HTT: variants seen among roughly 807,000 people sequenced by gnomAD.
The protein encoded by HTT is huntington disease protein.
A neutral mutation model predicts 362.3 loss-of-function variants in HTT; 104 were observed. The observed-to-expected ratio is 0.29, with a 90% CI of 0.24 to 0.34. The LOEUF is 0.34. HTT is among the 10% of genes least tolerant of loss of function. HTT has a pLI of 1.00. For synonymous variants in HTT, 1,577 were observed against 1,548.7 expected, an observed-to-expected ratio of 1.02 and a Z score of -0.43; for missense variants, 3,301 against 3,928.6, an observed-to-expected ratio of 0.84 and a Z score of 4.27.
In HTT at chr4:3,223,989, T is replaced by A. The variant is rs775880958; in HGVS notation, c.7626-3T>A. On this transcript the variant is annotated splice_region_variant and splice_polypyrimidine_tract_variant and intron_variant, in intron 55 of 66. Transcript: ENST00000355072. ...CACTCTTTACCTTTTTTCTAAAATG[T>A]AGGTTTGGGAGGAAGCTGAGCATTA... The A allele has an allele frequency of 1.9e-6, 3 of 1,613,770 alleles. No homozygotes were observed. Among genetic ancestry groups the A allele is most frequent in the Admixed American group, 3.3e-5 (2 of 59,986 alleles).
chr4:3,228,384 G>A lies in HTT; in HGVS notation c.7849-231G>A, dbSNP rs1421198471. On this transcript the variant is annotated intron_variant, in intron 57 of 66. Coordinates refer to ENST00000355072, the MANE Select transcript of HTT (RefSeq NM_001388492.1). This position sits in a 1 kb window ranked among gnomAD's most constrained non-coding sequence, Gnocchi z 4.3. The stretch of plus-strand genomic sequence containing the variant: ...TCCTCAGCTGCTCCTGGGGTTGACT[G>A]GCCCCTGATTCATGCCTTTAGCATG... Among the ~76,000 whole-genome samples the A allele has an allele frequency of 3.3e-5, 5 of 152,162 alleles. No homozygotes were observed. The highest frequency in any genetic ancestry group is 7.4e-5 in the Non-Finnish European group (5 of 68,022).
At chr4:3,110,065 T>G (rs1245834834) in intron 6 of HTT, among the ~76,000 whole-genome samples, 1 of 152,186 alleles carries the variant, frequency 6.6e-6, no homozygotes, top group Non-Finnish European at 1.5e-5. Context: ...CACCATGTCG[T>G]GTTCAATCTT....
At chr4:3,230,804 A>T (rs969264549) in intron 60 of HTT, among the ~76,000 whole-genome samples, 1 of 152,102 alleles carries the variant, frequency 6.6e-6, no homozygotes, top group Non-Finnish European at 1.5e-5. Context: ...GGGCTCTCCC[A>T]TCATGACCTC....
chr4:3,076,072 C>T (rs866632967), intron 1 of HTT, among the ~76,000 whole-genome samples: 1 of 152,162 alleles, frequency 6.6e-6, no homozygotes, highest in African/African-American at 2.4e-5. Context: ...ACTCCGTGGG[C>T]ATCTCAGATG....
chr4:3,100,040 A>T (rs1032785320), intron 3 of HTT, among the ~76,000 whole-genome samples: 1 of 152,192 alleles, frequency 6.6e-6, no homozygotes, highest in African/African-American at 2.4e-5. Context: ...TATGTTGACA[A>T]TTGTGCCTGC....
intron 66 of HTT, 152 bp from the exon 67 acceptor site, chr4:3,239,694 G>A (rs553162489): frequency 1.6e-6 from 1 of 627,100 alleles, no homozygotes; most frequent in South Asian, 1.9e-5. Context: ...TGATGCAGCT[G>A]GAGGCATCCA....
chr4:3,191,834 C>A (rs2110253155), intron 40 of HTT, among the ~76,000 whole-genome samples: 1 of 152,280 alleles, frequency 6.6e-6, no homozygotes, highest in East Asian at 1.9e-4. Flanking sequence ...CTAAAGTTGT[C>A]TGAAGTCTAT....
Position 3,129,918 on chromosome 4 carries a change from G to A in HTT, c.1744-6G>A, listed in dbSNP as rs375470930. 4.0e-5 allele frequency: 64 copies of A among 1,613,788 alleles called. No homozygotes were observed. The highest frequency in any genetic ancestry group is 1.3e-4 in the East Asian group (6 of 44,884). On this transcript the variant is annotated splice_region_variant and splice_polypyrimidine_tract_variant and intron_variant, in intron 12 of 66. Transcript: ENST00000355072. ...AAATTCTCACAGCCCCCCTTGAACCGTTTAGGTGTTAGACGGTACCGACAA... is the reference window on the plus strand; with the variant it reads ...AAATTCTCACAGCCCCCCTTGAACCATTTAGGTGTTAGACGGTACCGACAA...
At chr4:3,083,015 T>C (rs530600238) in intron 1 of HTT, among the ~76,000 whole-genome samples, 7 of 152,184 alleles carry the variant, frequency 4.6e-5, no homozygotes, top group Admixed American at 4.6e-4. Context: ...GGGCAAGCCA[T>C]GTGTATAGCG....
intron 26 of HTT, among the ~76,000 whole-genome samples, chr4:3,151,026 G>A (rs1047451228): frequency 2.0e-5 from 3 of 150,866 alleles, no homozygotes; most frequent in Admixed American, 6.6e-5. Context: ...GCGACAGAGC[G>A]AGACTCTGTC....
chr4:3,196,761 C>G (rs1049070099), intron 40 of HTT, among the ~76,000 whole-genome samples: 1 of 151,944 alleles, frequency 6.6e-6, no homozygotes, highest in Non-Finnish European at 1.5e-5. Flanking sequence ...AAATCCATTG[C>G]ATACTTCACC....
intron 21 of HTT, 114 bp downstream of exon 21, chr4:3,136,440 C>T: frequency 4.2e-6 from 2 of 477,004 alleles, no homozygotes; most frequent in Non-Finnish European, 7.5e-6. Flanking sequence ...TGAATCTGAG[C>T]TCATTTCAGC....
Position 3,115,429 on chromosome 4 carries a change from A to G in HTT, c.873A>G (p.Leu291=), listed in dbSNP as rs1447668734. ...SRRTQYFYSW[L]LNVLLGLLVP... ...GGACACAATATTTCTATAGTTGGCT[A>G]CTAAATGTGCTCTTAGGTAAGGTGG... Residue 291 remains leucine, a synonymous_variant, in exon 7 of 67, where the codon CTA becomes CTG. Coordinates refer to ENST00000355072, the MANE Select transcript of HTT (RefSeq NM_001388492.1). The G allele has an allele frequency of 6.2e-7, 1 of 1,613,614 alleles. No homozygotes were observed. The highest frequency in any genetic ancestry group is 8.5e-7 in the Non-Finnish European group (1 of 1,179,468).
At chr4:3,174,660 G>A (rs1718149270) in intron 31 of HTT, 61 bp from the exon 32 acceptor site, 2 of 1,310,132 alleles carry the variant, frequency 1.5e-6, no homozygotes, top group Non-Finnish European at 2.2e-6. Context: ...ATATCTGAGT[G>A]CAGAGGAGAT....
intron 39 of HTT, 67 bp downstream of exon 39, chr4:3,187,953 C>A: frequency 1.1e-6 from 1 of 907,830 alleles, no homozygotes; most frequent in Non-Finnish European, 1.7e-6. Context: ...GTTTCACAGT[C>A]AGTAAGTCTG....
intron 29 of HTT, among the ~76,000 whole-genome samples, chr4:3,166,474 A>G (rs1051285191): frequency 3.9e-5 from 6 of 152,212 alleles, no homozygotes; most frequent in Non-Finnish European, 8.8e-5. Flanking sequence ...GTATGTTTAA[A>G]TCTGGAGAAG....
chr4:3,132,136 C>T (rs1715851154), intron 16 of HTT, among the ~76,000 whole-genome samples: 1 of 152,238 alleles, frequency 6.6e-6, no homozygotes, highest in Non-Finnish European at 1.5e-5. Context: ...GCTGAGGCAG[C>T]AGTGGACCCA....
chr4:3,215,317 G>C, intron 51 of HTT, 106 bp downstream of exon 51: 1 of 748,656 alleles, frequency 1.3e-6, no homozygotes, highest in Non-Finnish European at 2.2e-6. Flanking sequence ...GAAGCGCACC[G>C]TAGCTCCGCT....
chr4:3,135,792 G>A (rs1716037546), intron 19 of HTT, 112 bp from the exon 20 acceptor site: 1 of 649,980 alleles, frequency 1.5e-6, no homozygotes, highest in Non-Finnish European at 2.6e-6. Context: ...TTGAGTAAGT[G>A]CTGCCCAAGG....
Sources: allele counts gnomAD v4.1 joint callset (sites outside exome capture counted in the v4.1 genomes callset), GRCh38; gene constraint gnomAD v4.1.1; non-coding constraint Gnocchi (gnomAD v3.1); transcripts MANE v1.5; gene names NCBI Gene and HGNC (gene_info 2026-07-23, HGNC 2026-07-21).